Variants in DENND1B observed in about 807,000 individuals in gnomAD.
DENND1B encodes the protein DENN domain containing 1B.
DENND1B carries 59 observed loss-of-function variants against 90.1 expected under a neutral mutation model. That is an observed-to-expected ratio of 0.65 (90% confidence interval 0.53 to 0.81). DENND1B has a LOEUF of 0.81. DENND1B is among the 40% of genes least tolerant of loss of function. The pLI is 0.00. For synonymous variants in DENND1B, 337 were observed against 324.6 expected, an observed-to-expected ratio of 1.04 and a Z score of -0.41; for missense variants, 862 against 912.6, an observed-to-expected ratio of 0.94 and a Z score of 0.71.
intron 3 of DENND1B, among the ~76,000 whole-genome samples, chr1:197,697,957 C>T (rs531189136): frequency 1.3e-5 from 2 of 152,034 alleles, no homozygotes; most frequent in Non-Finnish European, 2.9e-5. Context: ...TAGACTCCCA[C>T]ACAATAATAG....
chr1:197,631,405 A>G (rs1301681925), intron 10 of DENND1B, among the ~76,000 whole-genome samples: 2 of 152,112 alleles, frequency 1.3e-5, no homozygotes, highest in Non-Finnish European at 2.9e-5. Flanking sequence ...TAGCTGATGT[A>G]CTGTAGAGTA....
intron 2 of DENND1B, among the ~76,000 whole-genome samples, chr1:197,748,187 G>A (rs191016130): frequency 1.4e-3 from 195 of 140,010 alleles, no homozygotes; most frequent in African/African-American, 3.9e-3. Context: ...ATTTCAAACG[G>A]TCAATAATAT....
At chr1:197,646,447 T>C (rs1680741242) in intron 8 of DENND1B, among the ~76,000 whole-genome samples, 1 of 151,994 alleles carries the variant, frequency 6.6e-6, no homozygotes, top group African/African-American at 2.4e-5. Context: ...TATGCCTTCA[T>C]GTTTCCCACA....
At chr1:197,555,559 C>T (rs1348941178) in intron 15 of DENND1B, among the ~76,000 whole-genome samples, 2 of 152,048 alleles carry the variant, frequency 1.3e-5, no homozygotes, top group African/African-American at 2.4e-5. Context: ...CATGAACAGA[C>T]ACTGCTCAAA....
intron 16 of DENND1B, among the ~76,000 whole-genome samples, chr1:197,551,142 ATAGT>A (rs896953924): frequency 4.6e-5 from 7 of 151,958 alleles, no homozygotes; most frequent in East Asian, 3.9e-4. Flanking sequence ...CTTCTAATTA[ATAGT>A]TAGAACACTG....
intron 15 of DENND1B, among the ~76,000 whole-genome samples, chr1:197,560,982 T>C (rs568827303): frequency 2.0e-4 from 31 of 151,986 alleles, no homozygotes; most frequent in African/African-American, 7.0e-4. Context: ...GACTGCCTTT[T>C]CTCCTGTTAT....
At chr1:197,636,293 G>T (rs905745595) in intron 10 of DENND1B, among the ~76,000 whole-genome samples, 1 of 152,066 alleles carries the variant, frequency 6.6e-6, no homozygotes, top group Non-Finnish European at 1.5e-5. Flanking sequence ...AGAGATAATC[G>T]ACTAGACCTG....
chr1:197,678,044 T>C (rs918594099), intron 3 of DENND1B, among the ~76,000 whole-genome samples: 5 of 152,198 alleles, frequency 3.3e-5, no homozygotes, highest in African/African-American at 9.6e-5. Context: ...GTCTGATCCC[T>C]GACTTTCCCA....
intron 3 of DENND1B, among the ~76,000 whole-genome samples, chr1:197,704,061 G>A (rs889666748): frequency 6.6e-6 from 1 of 152,040 alleles, no homozygotes; most frequent in African/African-American, 2.4e-5. Flanking sequence ...CTGGGCAATA[G>A]GGTGAGACCC....
intron 10 of DENND1B, among the ~76,000 whole-genome samples, chr1:197,621,854 G>A (rs2125872385): frequency 6.6e-6 from 1 of 151,302 alleles, no homozygotes; most frequent in Admixed American, 6.6e-5. Context: ...AAAGGTTTAT[G>A]GAAAAAAATT....
Position 197,569,414 on chromosome 1 carries a change from G to A in DENND1B, c.1149+13738C>T, listed in dbSNP as rs114983823. 6.2e-3 allele frequency among the ~76,000 whole-genome samples: 944 copies of A among 152,110 alleles called. 11 individuals are homozygous for A. Among genetic ancestry groups the A allele is most frequent in the African/African-American group, 0.02 (849 of 41,510 alleles). On this transcript the variant is annotated intron_variant, in intron 15 of 22. Transcript: ENST00000620048. ...AACTATTATATGATCCAGCAATTCT[G>A]CTTCTAGGAATATATCCAAAGGAAA...
At chr1:197,573,352 T>C (rs1170636275) in intron 15 of DENND1B, among the ~76,000 whole-genome samples, 4 of 152,290 alleles carry the variant, frequency 2.6e-5, no homozygotes, top group African/African-American at 9.6e-5. Flanking sequence ...TTTGTTCTCG[T>C]TGGTTTCAAA....
intron 20 of DENND1B, among the ~76,000 whole-genome samples, chr1:197,516,726 T>C (rs1668423421): frequency 6.6e-6 from 1 of 151,762 alleles, no homozygotes; most frequent in African/African-American, 2.4e-5. Context: ...AGGGTGCCAA[T>C]ACCCAGCCAG....
intron 11 of DENND1B, among the ~76,000 whole-genome samples, chr1:197,615,873 C>G (rs1677602534): frequency 6.6e-6 from 1 of 150,806 alleles, no homozygotes; most frequent in African/African-American, 2.4e-5. Flanking sequence ...AACCCAAAGG[C>G]TATTTCAGAC....
At chr1:197,589,319 C>T (rs1674978316) in intron 14 of DENND1B, among the ~76,000 whole-genome samples, 1 of 151,958 alleles carries the variant, frequency 6.6e-6, no homozygotes, top group Admixed American at 6.6e-5. Flanking sequence ...AAATTCTCTC[C>T]CTACTAATTA....
intron 10 of DENND1B, among the ~76,000 whole-genome samples, chr1:197,627,177 A>T (rs1194723547): frequency 6.6e-6 from 1 of 152,176 alleles, no homozygotes; most frequent in Non-Finnish European, 1.5e-5. Flanking sequence ...AACTCATTTT[A>T]TGAGGCCAGC....
intron 16 of DENND1B, among the ~76,000 whole-genome samples, chr1:197,552,011 A>G (rs1490560689): frequency 6.6e-6 from 1 of 152,126 alleles, no homozygotes; most frequent in Non-Finnish European, 1.5e-5. Context: ...ACCTCCTTTA[A>G]TGAACCAATT....
intron 16 of DENND1B, 162 bp downstream of exon 16, chr1:197,552,860 C>A: frequency 2.9e-6 from 4 of 1,387,136 alleles, no homozygotes; most frequent in Non-Finnish European, 3.7e-6. Flanking sequence ...GCAAAATAAG[C>A]TAATTCCATA....
chr1:197,650,186 C>T (rs1652972606), intron 7 of DENND1B, among the ~76,000 whole-genome samples: 2 of 152,074 alleles, frequency 1.3e-5, no homozygotes, highest in Non-Finnish European at 2.9e-5. Flanking sequence ...TGGCCATAAT[C>T]AAAAAATCAA....
Sources: gnomAD v4.1 joint callset for allele counts (sites outside exome capture counted in the v4.1 genomes callset) on GRCh38, gnomAD v4.1.1 for gene constraint, MANE v1.5 for transcripts, NCBI Gene and HGNC (gene_info 2026-07-23, HGNC 2026-07-21) for gene names.